HTR1F: variants seen among roughly 807,000 people sequenced by gnomAD.
HTR1F encodes 5-hydroxytryptamine (serotonin) receptor 1F, G protein-coupled.
Under a neutral mutation model 24.0 loss-of-function variants are expected in HTR1F, and 17 were observed. The ratio of observed to expected loss-of-function variants is 0.71; its 90% CI spans 0.48 to 1.06. HTR1F has a LOEUF of 1.06. HTR1F is among the 50% of genes least tolerant of loss of function. The pLI is 0.00. For synonymous variants in HTR1F, 186 were observed against 156.8 expected (o/e 1.19, Z -1.39); for missense variants, 391 against 427.8 (o/e 0.91, Z 0.76).
intron 2 of HTR1F, among the ~76,000 whole-genome samples, chr3:87,881,121 G>A (rs1250385565): frequency 1.3e-5 from 2 of 152,158 alleles, no homozygotes; most frequent in African/African-American, 2.4e-5. Flanking sequence ...TAAGCAGGGC[G>A]GGGCATTGCC....
chr3:87,797,711 G>T (rs1456140741), intron 1 of HTR1F, among the ~76,000 whole-genome samples: 1 of 152,152 alleles, frequency 6.6e-6, no homozygotes, highest in Non-Finnish European at 1.5e-5. Context: ...GGGTGATGAG[G>T]AAATTAATAC....
chr3:87,973,871 C>A (rs544776668), intron 2 of HTR1F, among the ~76,000 whole-genome samples: 91 of 152,038 alleles, frequency 6.0e-4, no homozygotes, highest in Non-Finnish European at 1.1e-3. Context: ...GCAGAAAGAA[C>A]GTATTGATAT....
At chr3:87,823,279 C>G (rs918012600) in intron 2 of HTR1F, among the ~76,000 whole-genome samples, 3 of 151,882 alleles carry the variant, frequency 2.0e-5, no homozygotes, top group African/African-American at 7.3e-5. Flanking sequence ...TCAATGGTAC[C>G]CATTCTCCTT....
At chr3:87,984,540 A>G (rs1705621387) in intron 2 of HTR1F, among the ~76,000 whole-genome samples, 1 of 151,974 alleles carries the variant, frequency 6.6e-6, no homozygotes, top group African/African-American at 2.4e-5. Context: ...TTGGCTCACT[A>G]CAACCTCTAC....
intron 2 of HTR1F, among the ~76,000 whole-genome samples, chr3:87,937,160 T>G (rs2107427096): frequency 6.7e-6 from 1 of 149,268 alleles, no homozygotes; most frequent in Non-Finnish European, 1.5e-5. Context: ...TACCAAAACC[T>G]GCCAGAGACC....
chr3:87,816,570 C>G (rs114259811), intron 1 of HTR1F, among the ~76,000 whole-genome samples: 15 of 152,156 alleles, frequency 9.9e-5, no homozygotes, highest in Non-Finnish European at 1.5e-4. Flanking sequence ...CAATCACATT[C>G]TCATTAAAAT....
chr3:87,849,728 C>A (rs934300761), intron 2 of HTR1F, among the ~76,000 whole-genome samples: 2 of 151,842 alleles, frequency 1.3e-5, no homozygotes, highest in Non-Finnish European at 2.9e-5. Flanking sequence ...GGGCTAATAT[C>A]CAGAATCTAC....
At chr3:87,825,790 T>C (rs1160055990) in intron 2 of HTR1F, among the ~76,000 whole-genome samples, 9 of 152,168 alleles carry the variant, frequency 5.9e-5, no homozygotes, top group Non-Finnish European at 5.9e-5. Flanking sequence ...CTTGCTGCTA[T>C]ATACCCAATG....
chr3:87,960,780 A>G (rs994466558), intron 2 of HTR1F, among the ~76,000 whole-genome samples: 10 of 151,976 alleles, frequency 6.6e-5, no homozygotes, highest in African/African-American at 2.4e-4. Context: ...AACTTAAATT[A>G]ACTCATCTGT....
At chr3:87,870,296 G>C (rs2107252114) in intron 2 of HTR1F, among the ~76,000 whole-genome samples, 1 of 152,196 alleles carries the variant, frequency 6.6e-6, no homozygotes, top group Admixed American at 6.5e-5. Flanking sequence ...TCCAGAGTTT[G>C]TGTAAAGAAA....
At chr3:87,862,940 C>T (rs1705348956) in intron 2 of HTR1F, among the ~76,000 whole-genome samples, 1 of 152,076 alleles carries the variant, frequency 6.6e-6, no homozygotes, top group African/African-American at 2.4e-5. Flanking sequence ...CTTCAGCCTC[C>T]AGAGTAGCTG....
intron 2 of HTR1F, among the ~76,000 whole-genome samples, chr3:87,908,126 C>G (rs1325793950): frequency 2.0e-5 from 3 of 151,946 alleles, no homozygotes; most frequent in Non-Finnish European, 4.4e-5. Context: ...GGCAACCTAT[C>G]TATTGAGAAG....
At chr3:87,802,337 TTC>T (rs1310905437) in intron 1 of HTR1F, among the ~76,000 whole-genome samples, 2 of 139,284 alleles carry the variant, frequency 1.4e-5, no homozygotes, top group Non-Finnish European at 3.1e-5. Context: ...CTTTCCCTCT[TTC>T]TCTCTTTCTT....
At chr3:87,917,679 T>A (rs1392865916) in intron 2 of HTR1F, among the ~76,000 whole-genome samples, 2 of 151,588 alleles carry the variant, frequency 1.3e-5, no homozygotes, top group African/African-American at 4.8e-5. Context: ...TTAGATACCC[T>A]GAACAGATGA....
chr3:87,842,393 A>T (rs1420440891), intron 2 of HTR1F, among the ~76,000 whole-genome samples: 2 of 151,664 alleles, frequency 1.3e-5, no homozygotes, highest in Admixed American at 1.3e-4. Flanking sequence ...TGAACTCCTG[A>T]CCTAGTGATC....
chr3:87,840,502 A>G (rs1361674641), intron 2 of HTR1F, among the ~76,000 whole-genome samples: 8 of 152,168 alleles, frequency 5.3e-5, no homozygotes, highest in Non-Finnish European at 1.0e-4. Context: ...GGATGGTGGT[A>G]TTGTAAATTA....
At chr3:87,978,254 C>G (rs1414172149) in intron 2 of HTR1F, among the ~76,000 whole-genome samples, 1 of 152,186 alleles carries the variant, frequency 6.6e-6, no homozygotes, top group Non-Finnish European at 1.5e-5. Context: ...ATCTCGAGTG[C>G]ACCACTCCCT....
intron 2 of HTR1F, among the ~76,000 whole-genome samples, chr3:87,971,275 T>C (rs1207296647): frequency 6.6e-6 from 1 of 152,170 alleles, no homozygotes; most frequent in African/African-American, 2.4e-5. Flanking sequence ...TTTTTTTTAA[T>C]AGGTAACAAT....
intron 2 of HTR1F, among the ~76,000 whole-genome samples, chr3:87,930,448 G>A (rs772782583): frequency 7.2e-5 from 11 of 152,082 alleles, no homozygotes; most frequent in Non-Finnish European, 1.3e-4. Context: ...AATGTTTTGA[G>A]GTATGTTCCT....
Sources: allele counts gnomAD v4.1 joint callset (sites outside exome capture counted in the v4.1 genomes callset), GRCh38; gene constraint gnomAD v4.1.1; transcripts MANE v1.5; gene names NCBI Gene and HGNC (gene_info 2026-07-23, HGNC 2026-07-21).